DCAF13: variants seen among roughly 807,000 people sequenced by gnomAD.
DCAF13 encodes DDB1 and CUL4 associated factor 13, also known as DDB1- and CUL4-associated factor 13.
A neutral mutation model predicts 59.0 loss-of-function variants in DCAF13; 38 were observed. The observed-to-expected ratio is 0.64, with a 90% CI of 0.50 to 0.84. The LOEUF is 0.84. Among genes scored for constraint, DCAF13 ranks in the 40% least tolerant of loss-of-function variants. DCAF13 has a pLI of 0.00. For missense variants in DCAF13, 469 were observed against 558.4 expected (o/e 0.84, Z 1.61); for synonymous variants, 173 against 175.0 (o/e 0.99, Z 0.09).
chr8:103,442,624 T>C (rs769994380), intron 10 of DCAF13, 171 bp from the exon 11 acceptor site: 3 of 468,012 alleles, frequency 6.4e-6, no homozygotes, highest in Non-Finnish European at 1.1e-5. Flanking sequence ...AGCAATTAAA[T>C]AAGTAAAGTT....
At chr8:103,425,764 T>C (rs893929286) in intron 3 of DCAF13, among the ~76,000 whole-genome samples, 2 of 152,240 alleles carry the variant, frequency 1.3e-5, no homozygotes, top group Non-Finnish European at 2.9e-5. Flanking sequence ...TATAATCCAT[T>C]TTTTCTCCAA....
intron 8 of DCAF13, among the ~76,000 whole-genome samples, chr8:103,439,150 G>A (rs762674539): frequency 2.0e-5 from 3 of 151,934 alleles, no homozygotes; most frequent in African/African-American, 4.8e-5. Flanking sequence ...GACTACAGGC[G>A]CCTGCCACCA....
chr8:103,432,336 T>C (rs574408960), intron 6 of DCAF13, among the ~76,000 whole-genome samples: 2 of 152,326 alleles, frequency 1.3e-5, no homozygotes, highest in South Asian at 4.1e-4. Context: ...ATGTTAACCC[T>C]AAGCTCACCA....
chr8:103,440,567 G>GGA (rs1816996846), intron 9 of DCAF13: 1 of 183,316 alleles, frequency 5.5e-6, no homozygotes, highest in Admixed American at 6.2e-5. Context: ...CTTGAGGTAG[G>GGA]GACAGAAGAT....
rs1586131250 is a variant in DCAF13, at chr8:103,430,508, T to G, written c.625-104T>G. The G allele has an allele frequency of 4.1e-6, 3 of 725,960 alleles. No homozygotes were observed. The Admixed American group carries it at 7.8e-5, about 19-fold the overall frequency. 45.0% of individuals were successfully genotyped at this position (725,960 alleles called of 1,614,324 possible). ...GTACCCTCTTAAAATGGACTTTGTT[T>G]TTTAACATAAATATTAAGGGCAATT... is the stretch of plus-strand genomic sequence containing the variant. On this transcript the variant is annotated intron_variant, in intron 5 of 10. Transcript: ENST00000612750.
At chr8:103,415,836 A>G (rs1311252763) in intron 1 of DCAF13, among the ~76,000 whole-genome samples, 1 of 152,220 alleles carries the variant, frequency 6.6e-6, no homozygotes, top group Non-Finnish European at 1.5e-5. Flanking sequence ...GAATGAGCCA[A>G]ACTCGTGGGT....
rs758858822 is a variant in DCAF13, at chr8:103,420,482, G to A, written c.270+19G>A. The stretch of plus-strand genomic sequence containing the variant: ...TGGAGAGGCAAGTGTCAATCTAGAT[G>A]ATATTTTCAACTAAAAGTAGTTATA... On this transcript the variant is annotated intron_variant, in intron 2 of 10. Coordinates refer to ENST00000612750, the MANE Select transcript of DCAF13 (RefSeq NM_015420.7). 1 of 1,598,028 alleles carries A rather than the reference G, an allele frequency of 6.3e-7. No homozygotes were observed. The highest frequency in any genetic ancestry group is 8.6e-7 in the Non-Finnish European group (1 of 1,168,582).
chr8:103,423,999 A>G (rs1418359054), intron 3 of DCAF13, among the ~76,000 whole-genome samples: 5 of 150,092 alleles, frequency 3.3e-5, no homozygotes, highest in Non-Finnish European at 5.9e-5. Flanking sequence ...TGCCCACCTT[A>G]TTGTTTCTCG....
intron 3 of DCAF13, among the ~76,000 whole-genome samples, chr8:103,425,155 C>T (rs1021220946): frequency 1.3e-5 from 2 of 152,080 alleles, no homozygotes; most frequent in Non-Finnish European, 2.9e-5. Context: ...ATGATTTTAT[C>T]AAAAAGTGGA....
At chr8:103,430,588 G>C in intron 5 of DCAF13, 24 bp from the exon 6 acceptor site, 2 of 1,579,232 alleles carry the variant, frequency 1.3e-6, no homozygotes, top group Non-Finnish European at 8.7e-7. Context: ...GCTTTGAACT[G>C]GTGATTGTTA....
intron 1 of DCAF13, among the ~76,000 whole-genome samples, chr8:103,418,127 C>CA (rs201171043): frequency 0.08 from 10,715 of 133,308 alleles, 483 homozygotes; most frequent in Non-Finnish European, 0.11. Flanking sequence ...GACTCCGTCT[C>CA]AAAAAAAAAA....
chr8:103,423,339 T>TAC lies in DCAF13; in HGVS notation c.378+2268_378+2269dup, dbSNP rs909698641. The stretch of plus-strand genomic sequence containing the variant: ...GATGAATGAATTTTAAAAAAAAAAG[T>TAC]ACACACACACACGCACACAGGAATA... On this transcript the variant is annotated intron_variant, in intron 3 of 10. Transcript: ENST00000612750. 8.6e-5 allele frequency among the ~76,000 whole-genome samples: 13 copies of TAC among 151,636 alleles called. No homozygotes were observed. The South Asian group carries it at 1.7e-3, about 19-fold the overall frequency.
chr8:103,434,641 T>C (rs3134267), intron 7 of DCAF13, among the ~76,000 whole-genome samples: 34,155 of 151,900 alleles, frequency 0.22, 3,957 homozygotes, highest in East Asian at 0.34. Context: ...TATGTAGATA[T>C]CCTCTTCTCA....
intron 1 of DCAF13, among the ~76,000 whole-genome samples, chr8:103,417,681 T>C (rs1816640883): frequency 6.6e-6 from 1 of 150,450 alleles, no homozygotes; most frequent in South Asian, 2.1e-4. Flanking sequence ...AATTACATGC[T>C]CTCATTAACA....
chr8:103,421,278 A>C, intron 3 of DCAF13, 196 bp downstream of exon 3: 1 of 671,418 alleles, frequency 1.5e-6, no homozygotes, highest in South Asian at 1.6e-5. Context: ...TAACATGATT[A>C]AACTAATATT....
At chr8:103,441,694 C>G in intron 10 of DCAF13, 76 bp downstream of exon 10, 3 of 1,374,500 alleles carry the variant, frequency 2.2e-6, no homozygotes, top group Non-Finnish European at 3.0e-6. Context: ...AAGTTAACTG[C>G]CATTCAAGGG....
At chr8:103,437,704 A>G (rs983459752) in intron 8 of DCAF13, among the ~76,000 whole-genome samples, 1 of 152,024 alleles carries the variant, frequency 6.6e-6, no homozygotes, top group Non-Finnish European at 1.5e-5. Context: ...TAAACATCAA[A>G]TAACTCATGC....
At chr8:103,435,517 T>G in intron 7 of DCAF13, 109 bp from the exon 8 acceptor site, 1 of 888,122 alleles carries the variant, frequency 1.1e-6, no homozygotes, top group Non-Finnish European at 1.6e-6. Flanking sequence ...GCTTTTTGTT[T>G]AGATGTGCAT....
chr8:103,441,728 A>G (rs1423838377), intron 10 of DCAF13, 110 bp downstream of exon 10: 8 of 1,065,792 alleles, frequency 7.5e-6, no homozygotes, highest in Non-Finnish European at 1.1e-5. Flanking sequence ...CTATTATTTA[A>G]TAGTATGTTA....
Sources: allele counts gnomAD v4.1 joint callset (sites outside exome capture counted in the v4.1 genomes callset), GRCh38; gene constraint gnomAD v4.1.1; transcripts MANE v1.5; gene names NCBI Gene and HGNC (gene_info 2026-07-23, HGNC 2026-07-21).